PDZRN3: variants seen among roughly 807,000 people sequenced by gnomAD.
PDZRN3 encodes PDZ domain containing ring finger 3.
In PDZRN3, 38 loss-of-function variants were observed where a neutral mutation model predicts 85.7. The ratio of observed to expected loss-of-function variants is 0.44; its 90% CI spans 0.34 to 0.58. PDZRN3 has a LOEUF of 0.58. Ranked by LOEUF, PDZRN3 falls within the 20% of genes least tolerant of loss-of-function variation. The pLI is 0.01. For missense variants in PDZRN3, 1,629 were observed against 1,506.4 expected, an observed-to-expected ratio of 1.08 and a Z score of -1.35; for synonymous variants, 759 against 638.0, an observed-to-expected ratio of 1.19 and a Z score of -2.86.
intron 3 of PDZRN3, chr3:73,408,151 C>G (rs192250122): frequency 2.8e-6 from 2 of 703,182 alleles, no homozygotes; most frequent in Admixed American, 4.0e-5. Context: ...TCCTTTTTCA[C>G]AGCTCAGAGG....
chr3:73,546,164 T>C (rs1301887765), intron 3 of PDZRN3, among the ~76,000 whole-genome samples: 1 of 152,170 alleles, frequency 6.6e-6, no homozygotes, highest in Non-Finnish European at 1.5e-5. Flanking sequence ...AATGAATGAA[T>C]AACTCTGGGT....
intron 3 of PDZRN3, chr3:73,407,945 C>A: frequency 1.7e-6 from 1 of 588,928 alleles, no homozygotes. Context: ...AGTAGCAACC[C>A]CAAAGGGAGA....
chr3:73,578,894 A>G (rs1026259446), intron 3 of PDZRN3, among the ~76,000 whole-genome samples: 7 of 152,166 alleles, frequency 4.6e-5, no homozygotes, highest in Non-Finnish European at 8.8e-5. Flanking sequence ...TTGCTAAAAG[A>G]GTATTACATG....
intron 3 of PDZRN3, among the ~76,000 whole-genome samples, chr3:73,438,439 T>C (rs1702571810): frequency 6.6e-6 from 1 of 152,248 alleles, no homozygotes; most frequent in Non-Finnish European, 1.5e-5. Context: ...GTTTTCTCTA[T>C]TGTAATGATG....
chr3:73,458,305 A>G (rs918113092), intron 3 of PDZRN3, among the ~76,000 whole-genome samples: 2 of 151,108 alleles, frequency 1.3e-5, no homozygotes, highest in Non-Finnish European at 1.5e-5. Context: ...TTAACTGACC[A>G]CTCCCAAGTC....
chr3:73,521,997 T>C (rs955496691), intron 3 of PDZRN3, among the ~76,000 whole-genome samples: 34 of 152,336 alleles, frequency 2.2e-4, no homozygotes, highest in Non-Finnish European at 3.4e-4. Flanking sequence ...GTAAGGCTTA[T>C]AAGCTTTTCA....
In PDZRN3 at chr3:73,602,366, G is replaced by A. The variant is rs762728582; in HGVS notation, c.906C>T (p.Asp302=). ...AAKEGGLQIH[D]RIIEVNGRDL... is the part of the protein sequence containing the mutation. ...AGTATTCACATACCTCAATAATCCT[G>A]TCATGAATTTGCAGGCCTCCTTCCT... Residue 302 remains aspartate, a synonymous_variant, in exon 3 of 10, where the codon GAC becomes GAT. Transcript: ENST00000263666. 26 of 1,574,506 alleles carry A rather than the reference G, an allele frequency of 1.7e-5. No homozygotes were observed. The highest frequency in any genetic ancestry group is 2.2e-5 in the East Asian group (1 of 44,730).
intron 3 of PDZRN3, among the ~76,000 whole-genome samples, chr3:73,484,013 G>T (rs940268795): frequency 6.6e-6 from 1 of 151,302 alleles, no homozygotes; most frequent in East Asian, 1.9e-4. Flanking sequence ...CAGGAAGGAA[G>T]AAAAAAGTGG....
In PDZRN3 at chr3:73,382,853, G is replaced by T; in HGVS notation, c.*512C>A. 6.5e-6 allele frequency: 1 copy of T among 154,830 alleles called. No individual in the cohort carries two copies. Among genetic ancestry groups the T allele is most frequent in the Non-Finnish European group, 1.4e-5 (1 of 69,410 alleles). 9.6% of individuals were successfully genotyped at this position (154,830 alleles called of 1,614,324 possible). On this transcript the variant is annotated 3_prime_UTR_variant, in exon 10 of 10. Coordinates refer to ENST00000263666, the MANE Select transcript of PDZRN3 (RefSeq NM_015009.3). ...ATATGTATTAAATCGTTAACCACCG[G>T]GTTGGGTGGTTTTGAGTTGAAACCT...
At chr3:73,620,033 G>A (rs1049856182) in intron 1 of PDZRN3, among the ~76,000 whole-genome samples, 3 of 152,172 alleles carry the variant, frequency 2.0e-5, no homozygotes, top group East Asian at 1.9e-4. Flanking sequence ...GTAGATGCCC[G>A]GGATGTTGCT....
At chr3:73,426,823 A>C (rs566964929) in intron 3 of PDZRN3, among the ~76,000 whole-genome samples, 1 of 152,064 alleles carries the variant, frequency 6.6e-6, no homozygotes, top group Non-Finnish European at 1.5e-5. Context: ...TCTAACAAAC[A>C]CGTTCCCAGA....
intron 3 of PDZRN3, among the ~76,000 whole-genome samples, chr3:73,501,998 G>C (rs893874227): frequency 6.6e-6 from 1 of 151,884 alleles, no homozygotes; most frequent in African/African-American, 2.4e-5. Context: ...CTGGGTGACA[G>C]AACCAGATTC....
chr3:73,580,842 T>C (rs774733261), intron 3 of PDZRN3, among the ~76,000 whole-genome samples: 2 of 152,228 alleles, frequency 1.3e-5, no homozygotes, highest in Non-Finnish European at 2.9e-5. Flanking sequence ...AATTACTATG[T>C]TTTGTGTTAC....
At chr3:73,551,378 T>C (rs1244239261) in intron 3 of PDZRN3, among the ~76,000 whole-genome samples, 3 of 152,152 alleles carry the variant, frequency 2.0e-5, no homozygotes, top group African/African-American at 7.2e-5. Flanking sequence ...AATGTTCCTT[T>C]TGCATCATTT....
At chr3:73,532,661 C>T (rs1158394597) in intron 3 of PDZRN3, among the ~76,000 whole-genome samples, 7 of 152,188 alleles carry the variant, frequency 4.6e-5, no homozygotes, top group Non-Finnish European at 8.8e-5. Context: ...TAAGATCTAC[C>T]TGCTTTCCAC....
intron 3 of PDZRN3, among the ~76,000 whole-genome samples, chr3:73,550,767 G>C (rs2106803490): frequency 6.6e-6 from 1 of 152,202 alleles, no homozygotes; most frequent in East Asian, 1.9e-4. Context: ...CAATGATCAG[G>C]GTAAGGAAAG....
chr3:73,547,435 C>A (rs766540848), intron 3 of PDZRN3, among the ~76,000 whole-genome samples: 3 of 152,222 alleles, frequency 2.0e-5, no homozygotes, highest in Non-Finnish European at 4.4e-5. Context: ...GTCCCTGATG[C>A]ATAGGCAGTC....
chr3:73,522,704 G>A (rs912971458), intron 3 of PDZRN3, among the ~76,000 whole-genome samples: 5 of 152,164 alleles, frequency 3.3e-5, no homozygotes, highest in Non-Finnish European at 7.4e-5. Flanking sequence ...CCAAAGTGCT[G>A]GGATTATAGG....
chr3:73,552,008 C>T (rs1701571619), intron 3 of PDZRN3, among the ~76,000 whole-genome samples: 1 of 152,214 alleles, frequency 6.6e-6, no homozygotes, highest in Admixed American at 6.5e-5. Flanking sequence ...TGACTGATTC[C>T]TATGACCTTC....
Sources: allele counts gnomAD v4.1 joint callset (sites outside exome capture counted in the v4.1 genomes callset), GRCh38; gene constraint gnomAD v4.1.1; transcripts MANE v1.5; gene names NCBI Gene and HGNC (gene_info 2026-07-23, HGNC 2026-07-21).